The following SUSD6 variants were observed in gnomAD, a reference collection of about 807,000 sequenced individuals.
The protein encoded by SUSD6 is sushi domain containing 6.
In SUSD6, 16 loss-of-function variants were observed where a neutral mutation model predicts 28.4. That is an observed-to-expected ratio of 0.56 (90% CI 0.38 to 0.86). The LOEUF is 0.86. Ranked by LOEUF, SUSD6 falls within the 40% of genes least tolerant of loss-of-function variation. SUSD6 has a pLI of 0.00. For synonymous variants in SUSD6, 147 were observed against 159.6 expected, an observed-to-expected ratio of 0.92 and a Z score of 0.59; for missense variants, 341 against 384.2, an observed-to-expected ratio of 0.89 and a Z score of 0.94.
intron 1 of SUSD6, among the ~76,000 whole-genome samples, chr14:69,612,402 A>T (rs1884892036): frequency 6.6e-6 from 1 of 152,178 alleles, no homozygotes. Context: ...TAACCAGGCT[A>T]AACTCCCCGA....
Position 69,708,690 on chromosome 14 carries a change from G to C in SUSD6, c.472G>C (p.Val158Leu), listed in dbSNP as rs752586236. 6.3e-7 allele frequency: 1 copy of C among 1,579,574 alleles called. No homozygotes were observed. The highest frequency in any genetic ancestry group is 8.6e-7 in the Non-Finnish European group (1 of 1,160,848). The change falls in exon 5 of 6, where the codon GTA becomes CTA. Residue 158 changes from valine to leucine, a missense_variant. Coordinates refer to ENST00000342745, the MANE Select transcript of SUSD6 (RefSeq NM_014734.4). ...CCTCCACTCCAGGCGTGACCAGGGG[G>C]TATCTGGGGACCAGGTCTCCATCAT... ...SFHHSRRDQG[V>L]SGDQVSIMVD...
chr14:69,631,973 A>G (rs1374346173), intron 1 of SUSD6, among the ~76,000 whole-genome samples: 3 of 152,186 alleles, frequency 2.0e-5, no homozygotes, highest in Admixed American at 6.5e-5. Context: ...CCAAGGTGTT[A>G]ATACCAACAA....
intron 1 of SUSD6, among the ~76,000 whole-genome samples, chr14:69,614,874 G>T (rs1459395104): frequency 6.6e-6 from 1 of 152,198 alleles, no homozygotes; most frequent in African/African-American, 2.4e-5. Context: ...ACACTTGCAG[G>T]CCCGAATGTC....
At chr14:69,663,082 T>C (rs1006737128) in intron 2 of SUSD6, among the ~76,000 whole-genome samples, 18 of 152,236 alleles carry the variant, frequency 1.2e-4, no homozygotes, top group African/African-American at 4.3e-4. Flanking sequence ...GGAGCAGTTA[T>C]CAAATTTGAC....
At chr14:69,648,768 G>A (rs1885462723) in intron 1 of SUSD6, among the ~76,000 whole-genome samples, 1 of 152,136 alleles carries the variant, frequency 6.6e-6, no homozygotes, top group Admixed American at 6.5e-5. Context: ...TAAGTACTCG[G>A]AATACCAAAA....
At chr14:69,680,305 AG>A (rs1299168370) in intron 2 of SUSD6, among the ~76,000 whole-genome samples, 1 of 152,180 alleles carries the variant, frequency 6.6e-6, no homozygotes, top group Non-Finnish European at 1.5e-5. Flanking sequence ...TGGAGTGGGA[AG>A]GTGTGTAGGC....
rs1236318045 is a variant in SUSD6 at position 69,714,694 on chromosome 14, C to G, written c.*3715C>G. The G allele has an allele frequency of 6.6e-6, 1 of 152,238 alleles. No individual in the cohort carries two copies. Among genetic ancestry groups the G allele is most frequent in the Non-Finnish European group, 1.5e-5 (1 of 68,060 alleles). The allele number at this position is 152,238 out of a possible 1,614,324, so 9.4% of individuals were successfully genotyped here. A position where few individuals can be genotyped will look rare whatever the true frequency, so the allele number is the denominator to read the frequency against. On this transcript the variant is annotated 3_prime_UTR_variant, in exon 6 of 6. Transcript: ENST00000342745. ...CAGGCCCAGCTTTGCTGGGAAATGG[C>G]TCTTAATTTCCAGTTGAAACCCTAG...
chr14:69,628,900 T>C (rs1338404235), intron 1 of SUSD6, among the ~76,000 whole-genome samples: 1 of 151,858 alleles, frequency 6.6e-6, no homozygotes, highest in Non-Finnish European at 1.5e-5. Flanking sequence ...AGAGATGGGG[T>C]TTTGCCATGT....
rs991986126 is a variant in SUSD6, at chr14:69,658,526, C to T, written c.-67C>T. 1.6e-5 allele frequency: 25 copies of T among 1,562,500 alleles called. No homozygotes were observed. The highest frequency in any genetic ancestry group is 6.9e-5 in the East Asian group (3 of 43,728). On this transcript the variant is annotated 5_prime_UTR_variant, in exon 2 of 6. Coordinates refer to ENST00000342745, the MANE Select transcript of SUSD6 (RefSeq NM_014734.4). ...TGTTTGTTACAGGTGAATCAGCTCC[C>T]GGCCGACTTTAGGATTCTTCTGGAT...
intron 1 of SUSD6, among the ~76,000 whole-genome samples, chr14:69,650,731 T>C (rs368270872): frequency 1.1e-3 from 175 of 152,282 alleles, no homozygotes; most frequent in African/African-American, 3.9e-3. Flanking sequence ...CCTGTATCTC[T>C]GCAGTGTGCA....
chr14:69,673,459 T>C (rs931681455), intron 2 of SUSD6, among the ~76,000 whole-genome samples: 1 of 152,070 alleles, frequency 6.6e-6, no homozygotes, highest in Non-Finnish European at 1.5e-5. Flanking sequence ...TCAGAGCAAA[T>C]TTTGCTGAGG....
intron 1 of SUSD6, among the ~76,000 whole-genome samples, chr14:69,656,708 A>G (rs79943769): frequency 0.028 from 4,321 of 152,358 alleles, 80 homozygotes; most frequent in Middle Eastern, 0.068. Context: ...CGAAGTTAGT[A>G]TGGTTACTAT....
chr14:69,669,355 C>G (rs1479505762), intron 2 of SUSD6, among the ~76,000 whole-genome samples: 3 of 152,192 alleles, frequency 2.0e-5, no homozygotes, highest in African/African-American at 7.2e-5. Context: ...AGCCAGTGCT[C>G]CTGGCCTCAA....
chr14:69,685,428 A>G (rs1364087384), intron 2 of SUSD6, among the ~76,000 whole-genome samples: 2 of 152,218 alleles, frequency 1.3e-5, no homozygotes, highest in Non-Finnish European at 2.9e-5. Flanking sequence ...TTTTCCATCA[A>G]CAAAGCATAG....
intron 1 of SUSD6, among the ~76,000 whole-genome samples, chr14:69,644,418 G>C (rs1885397055): frequency 6.6e-6 from 1 of 152,144 alleles, no homozygotes; most frequent in Non-Finnish European, 1.5e-5. Context: ...TTGGTAGGCT[G>C]AGGCTGGCGG....
intron 1 of SUSD6, among the ~76,000 whole-genome samples, chr14:69,628,901 T>A (rs1566590080): frequency 6.6e-6 from 1 of 151,946 alleles, no homozygotes. Flanking sequence ...GAGATGGGGT[T>A]TTGCCATGTT....
At chr14:69,645,154 G>A (rs1463265610) in intron 1 of SUSD6, among the ~76,000 whole-genome samples, 3 of 152,172 alleles carry the variant, frequency 2.0e-5, no homozygotes, top group African/African-American at 7.2e-5. Context: ...CAGAAGACAG[G>A]ATCTTGTTTG....
intron 2 of SUSD6, among the ~76,000 whole-genome samples, chr14:69,699,251 TG>T (rs764053089): frequency 2.6e-5 from 4 of 152,210 alleles, no homozygotes; most frequent in Non-Finnish European, 5.9e-5. Context: ...TCGCCCAGGC[TG>T]GAGTGCAGTG....
chr14:69,617,574 G>A (rs1314925968), intron 1 of SUSD6: 1 of 152,196 alleles, frequency 6.6e-6, no homozygotes, highest in East Asian at 1.9e-4. Context: ...GTTGACAGAC[G>A]CGATAGTGCC....
Sources: gnomAD v4.1 joint callset for allele counts (sites outside exome capture counted in the v4.1 genomes callset) on GRCh38, gnomAD v4.1.1 for gene constraint, MANE v1.5 for transcripts, NCBI Gene and HGNC (gene_info 2026-07-23, HGNC 2026-07-21) for gene names.